The following TEK variants were observed in gnomAD, a reference collection of about 807,000 sequenced individuals.
TEK encodes the protein TEK receptor tyrosine kinase.
TEK carries 43 observed loss-of-function variants against 131.8 expected under a neutral mutation model. The observed-to-expected ratio is 0.33, with a 90% CI of 0.26 to 0.42. TEK has a LOEUF of 0.42. Ranked by LOEUF, TEK falls within the 10% of genes least tolerant of loss-of-function variation. The pLI is 1.00. For missense variants in TEK, 1,162 were observed against 1,384.4 expected (o/e 0.84, Z 2.55); for synonymous variants, 580 against 491.6 (o/e 1.18, Z -2.38).
intron 1 of TEK, among the ~76,000 whole-genome samples, chr9:27,142,102 TA>T (rs1235754117): frequency 1.3e-5 from 2 of 152,028 alleles, no homozygotes; most frequent in African/African-American, 4.8e-5. Context: ...AGACCAAAGG[TA>T]AAAATTTGCA....
chr9:27,116,704 T>A (rs1469689772), intron 1 of TEK, among the ~76,000 whole-genome samples: 1 of 152,176 alleles, frequency 6.6e-6, no homozygotes, highest in Non-Finnish European at 1.5e-5. Flanking sequence ...CGGGCATGGC[T>A]ATATTTCAAG....
chr9:27,156,426 G>T (rs1268172611), intron 1 of TEK, among the ~76,000 whole-genome samples: 1 of 151,936 alleles, frequency 6.6e-6, no homozygotes, highest in Non-Finnish European at 1.5e-5. Context: ...GAGTGTATAG[G>T]TATTATAGAT....
At position 27,119,035 on chromosome 9, in the gene TEK, G is replaced by A. The variant is rs1204237612; in HGVS notation, c.52+9393G>A. Among the ~76,000 whole-genome samples, 6 of 152,136 alleles carry A rather than the reference G, an allele frequency of 3.9e-5. 1 individual carries two copies. The highest frequency in any genetic ancestry group is 2.6e-4 in the Admixed American group (4 of 15,270). ...CGTGGGTCCAAGGATTTTCAAACAC[G>A]CAGCCCTGCCTCTTTCAGTTCTGTG... is the stretch of plus-strand genomic sequence containing the variant. On this transcript the variant is annotated intron_variant, in intron 1 of 22. Transcript: ENST00000380036.
At chr9:27,176,363 G>A (rs1824172764) in intron 6 of TEK, among the ~76,000 whole-genome samples, 3 of 152,156 alleles carry the variant, frequency 2.0e-5, no homozygotes, top group Non-Finnish European at 4.4e-5. Flanking sequence ...ACTTTGCCAG[G>A]AAGAAAGTTC....
chr9:27,202,998 G>C lies in TEK; in HGVS notation c.2088G>C (p.Gln696His). ...AGATAAAGAATGCCACCATCACTCA[G>C]TATCAGCTCAAGGGCCTAGAGCCTG... ...DVKIKNATIT[Q>H]YQLKGLEPET... The change falls in exon 13 of 23, where the codon CAG becomes CAC. Residue 696 changes from glutamine (Q) to histidine (H), a missense_variant. Around this residue, in one of 6 missense-constraint regions of TEK, gnomAD observed 477 missense variants for 471.0 expected, o/e 1.01. Transcript: ENST00000380036. 6.2e-7 allele frequency: 1 copy of C among 1,614,100 alleles called. No homozygotes were observed. Among genetic ancestry groups the C allele is most frequent in the Non-Finnish European group, 8.5e-7 (1 of 1,179,998 alleles).
At chr9:27,212,935 T>C (rs1825688802) in intron 17 of TEK, 38 bp downstream of exon 17, 15 of 1,604,804 alleles carry the variant, frequency 9.3e-6, no homozygotes, top group Non-Finnish European at 1.3e-5. Context: ...ATCTTTCCTG[T>C]GGAGTTCCCT....
At position 27,180,280 on chromosome 9, in the gene TEK, G is replaced by T. The variant is rs763749051; in HGVS notation, c.942G>T (p.Arg314Ser). The change falls in exon 7 of 23, where the codon AGG (arginine) becomes AGT (serine). Residue 314 changes from arginine to serine, a missense_variant. This residue lies in a region of TEK where 436 missense variants were observed against 539.1 expected (regional missense o/e 0.81). Coordinates refer to ENST00000380036, the MANE Select transcript of TEK (RefSeq NM_000459.5). The stretch of plus-strand genomic sequence containing the variant: ...TTTACGGGCCAGATTGTAAGCTTAG[G>T]TGCAGCTGCAACAATGGGGAGATGT... ...PGFYGPDCKLRCSCNNGEMCD... is the reference protein window; with the variant it reads ...PGFYGPDCKLSCSCNNGEMCD... 1.2e-6 allele frequency: 2 copies of T among 1,613,864 alleles called. No individual in the cohort carries two copies. Among genetic ancestry groups the T allele is most frequent in the South Asian group, 1.1e-5 (1 of 91,072 alleles).
At chr9:27,128,404 G>A (rs918325638) in intron 1 of TEK, among the ~76,000 whole-genome samples, 3 of 152,174 alleles carry the variant, frequency 2.0e-5, no homozygotes, top group Non-Finnish European at 4.4e-5. Context: ...TTGAAGTCAG[G>A]TAGCTTGATG....
In TEK at chr9:27,212,783, G is replaced by C. The variant is rs1758898621; in HGVS notation, c.2763G>C (p.Glu921Asp). 6.2e-7 allele frequency: 1 copy of C among 1,614,008 alleles called. No individual in the cohort carries two copies. The highest frequency in any genetic ancestry group is 1.3e-5 in the African/African-American group (1 of 74,904). The change falls in exon 17 of 23, where the codon GAG becomes GAC. Residue 921 changes from glutamate to aspartate, a missense_variant. Coordinates refer to ENST00000380036, the MANE Select transcript of TEK (RefSeq NM_000459.5). ...LDFLRKSRVL[E>D]TDPAFAIANS... ...TCCTTCGCAAGAGCCGTGTGCTGGA[G>C]ACGGACCCAGCATTTGCCATTGCCA...
intron 1 of TEK, among the ~76,000 whole-genome samples, chr9:27,126,065 A>G (rs1821976715): frequency 6.6e-6 from 1 of 152,210 alleles, no homozygotes; most frequent in African/African-American, 2.4e-5. Context: ...TAAACCACGA[A>G]CACGAGGTTA....
At chr9:27,192,344 G>A in intron 10 of TEK, 145 bp from the exon 11 acceptor site, 2 of 838,402 alleles carry the variant, frequency 2.4e-6, no homozygotes, top group Non-Finnish European at 2.0e-6. Context: ...GAAGGATGAG[G>A]CCTTGAAGAT....
At chr9:27,214,955 CT>C (rs1825763961) in intron 18 of TEK, among the ~76,000 whole-genome samples, 1 of 152,190 alleles carries the variant, frequency 6.6e-6, no homozygotes, top group African/African-American at 2.4e-5. Flanking sequence ...GAATCCATCA[CT>C]CACCTACCTA....
intron 1 of TEK, among the ~76,000 whole-genome samples, chr9:27,132,890 CAGAG>C (rs1001207372): frequency 6.6e-6 from 1 of 151,966 alleles, no homozygotes; most frequent in Non-Finnish European, 1.5e-5. Flanking sequence ...AGAGAGATGA[CAGAG>C]AGAGAGACAG....
intron 1 of TEK, among the ~76,000 whole-genome samples, chr9:27,138,133 T>C (rs1034714013): frequency 6.6e-6 from 1 of 152,212 alleles, no homozygotes; most frequent in Non-Finnish European, 1.5e-5. Flanking sequence ...TCAGTGAGTG[T>C]TTCAGCTCAT....
chr9:27,118,370 C>T (rs1311958681), intron 1 of TEK, among the ~76,000 whole-genome samples: 2 of 152,064 alleles, frequency 1.3e-5, no homozygotes, highest in Admixed American at 6.6e-5. Context: ...TGTGGTGGCT[C>T]GTGCTTGTAA....
rs756757946 is a variant in TEK at position 27,117,573 on chromosome 9, G to C, written c.52+7931G>C. 2.0e-5 allele frequency among the ~76,000 whole-genome samples: 3 copies of C among 152,112 alleles called. No homozygotes were observed. The East Asian group carries it at 5.8e-4, about 29-fold the overall frequency. On this transcript the variant is annotated intron_variant, in intron 1 of 22. Transcript: ENST00000380036. ...AGGCTGCAGGAGCAGGTGTGAAGAC[G>C]TGGATGTGCCAGATGCAGAGTCCTG...
chr9:27,152,563 T>C (rs1446850650), intron 1 of TEK, among the ~76,000 whole-genome samples: 1 of 151,854 alleles, frequency 6.6e-6, no homozygotes, highest in Non-Finnish European at 1.5e-5. Context: ...GCAAAATTTT[T>C]TTCTTTCAAA....
At chr9:27,131,758 GA>G (rs1303439145) in intron 1 of TEK, among the ~76,000 whole-genome samples, 3 of 149,058 alleles carry the variant, frequency 2.0e-5, no homozygotes, top group African/African-American at 7.5e-5. Context: ...AGTGAGCCAT[GA>G]TTGCACCACT....
chr9:27,162,779 G>T (rs893122887), intron 2 of TEK, among the ~76,000 whole-genome samples: 1 of 151,736 alleles, frequency 6.6e-6, no homozygotes, highest in African/African-American at 2.4e-5. Flanking sequence ...GCAGTGGCGC[G>T]ATCTCGGCTC....
Sources: gnomAD v4.1 joint callset for allele counts (sites outside exome capture counted in the v4.1 genomes callset) on GRCh38, gnomAD v4.1.1 for gene constraint, gnomAD v4.1.1 regional missense constraint, MANE v1.5 for transcripts, NCBI Gene and HGNC (gene_info 2026-07-23, HGNC 2026-07-21) for gene names.